MEIKIN: variants seen among roughly 807,000 people sequenced by gnomAD.
MEIKIN encodes the protein meiosis-specific kinetochore protein.
intron 12 of MEIKIN, among the ~76,000 whole-genome samples, chr5:131,816,097 G>C (rs1338415913): frequency 2.6e-5 from 4 of 152,212 alleles, no homozygotes; most frequent in African/African-American, 9.7e-5. Context: ...CTCTTCTGGG[G>C]AAAGGGTTAG....
intron 11 of MEIKIN, among the ~76,000 whole-genome samples, chr5:131,821,394 G>T (rs957933149): frequency 2.0e-5 from 3 of 152,122 alleles, no homozygotes; most frequent in Admixed American, 1.3e-4. Flanking sequence ...AGTGTTTTAA[G>T]ACTCATTTTG....
chr5:131,832,712 A>G (rs945567831), intron 11 of MEIKIN, among the ~76,000 whole-genome samples: 2 of 152,220 alleles, frequency 1.3e-5, no homozygotes, highest in African/African-American at 4.8e-5. Flanking sequence ...CCAAACCTCA[A>G]TTCTTGACTT....
chr5:131,868,715 T>C (rs996861873), intron 9 of MEIKIN, among the ~76,000 whole-genome samples: 5 of 130,294 alleles, frequency 3.8e-5, no homozygotes, highest in Non-Finnish European at 6.5e-5. Context: ...ATTCTGTCTC[T>C]ACAAAAAAAA....
intron 11 of MEIKIN, among the ~76,000 whole-genome samples, chr5:131,832,232 G>C (rs1227384210): frequency 6.6e-6 from 1 of 152,160 alleles, no homozygotes; most frequent in Non-Finnish European, 1.5e-5. Context: ...TTCTAAATGG[G>C]AGAAATTGGC....
At chr5:131,944,821 T>G (rs1580606867) in intron 2 of MEIKIN, 69 bp from the exon 3 acceptor site, 1 of 398,864 alleles carries the variant, frequency 2.5e-6, no homozygotes, top group Non-Finnish European at 4.4e-6. Flanking sequence ...GTTCAGACTC[T>G]TTAGAATCTG....
At chr5:131,910,982 A>T (rs1216758245) in intron 8 of MEIKIN, among the ~76,000 whole-genome samples, 1 of 152,084 alleles carries the variant, frequency 6.6e-6, no homozygotes, top group African/African-American at 2.4e-5. Context: ...CCCTTTAATT[A>T]GTGCTCATCT....
intron 11 of MEIKIN, among the ~76,000 whole-genome samples, chr5:131,821,630 C>CTTTTTT (rs375765946): frequency 4.0e-5 from 2 of 50,452 alleles, no homozygotes; most frequent in Non-Finnish European, 3.6e-5. Context: ...TGAGGTCTGC[C>CTTTTTT]TTTTTTTTTT....
intron 11 of MEIKIN, among the ~76,000 whole-genome samples, chr5:131,834,069 G>C (rs1749758539): frequency 6.6e-6 from 1 of 152,058 alleles, no homozygotes; most frequent in Admixed American, 6.6e-5. Flanking sequence ...AACTGGTAGT[G>C]GATACTAAAA....
At chr5:131,876,368 T>G (rs1311361223) in intron 9 of MEIKIN, among the ~76,000 whole-genome samples, 2 of 151,490 alleles carry the variant, frequency 1.3e-5, no homozygotes, top group Admixed American at 1.3e-4. Context: ...AAGAAGACAT[T>G]TATGCGGCCA....
In MEIKIN at chr5:131,814,303, A is replaced by G. The variant is rs185492387; in HGVS notation, c.1099+4437T>C. Among the ~76,000 whole-genome samples, 391 of 145,304 alleles carry G rather than the reference A, an allele frequency of 2.7e-3. 1 individual carries two copies. The highest frequency in any genetic ancestry group is 3.5e-3 in the Non-Finnish European group (233 of 66,868). ...CTTTTTTTTTTTTTTTTGAGACAGG[A>G]TCTCACTCTATTGCTCAGGCTGCAG... On this transcript the variant is annotated intron_variant, in intron 12 of 12. Coordinates refer to ENST00000442687, the MANE Select transcript of MEIKIN (RefSeq NM_001303622.2).
At chr5:131,887,054 T>A (rs1266417869) in intron 8 of MEIKIN, among the ~76,000 whole-genome samples, 1 of 150,098 alleles carries the variant, frequency 6.7e-6, no homozygotes, top group Non-Finnish European at 1.5e-5. Flanking sequence ...ATTGTTCAAT[T>A]CCCACCTATA....
intron 8 of MEIKIN, among the ~76,000 whole-genome samples, chr5:131,902,017 G>T (rs1751165536): frequency 6.6e-6 from 1 of 152,120 alleles, no homozygotes; most frequent in Non-Finnish European, 1.5e-5. Flanking sequence ...TCATGATAGT[G>T]AGTTCTCATG....
chr5:131,922,667 C>T (rs1204052317), intron 5 of MEIKIN, among the ~76,000 whole-genome samples: 4 of 152,128 alleles, frequency 2.6e-5, no homozygotes, highest in Admixed American at 6.5e-5. Flanking sequence ...TGACTTCCCA[C>T]TATGGAATAA....
At chr5:131,901,323 C>T (rs1025276204) in intron 8 of MEIKIN, among the ~76,000 whole-genome samples, 5 of 152,146 alleles carry the variant, frequency 3.3e-5, no homozygotes, top group African/African-American at 1.2e-4. Context: ...ACAGATGGCA[C>T]ACAGAGTCCC....
chr5:131,874,899 G>T (rs1188459497), intron 9 of MEIKIN, among the ~76,000 whole-genome samples: 1 of 152,146 alleles, frequency 6.6e-6, no homozygotes, highest in Non-Finnish European at 1.5e-5. Context: ...AAAACCACAT[G>T]ATTATCTCAA....
Position 131,890,867 on chromosome 5 carries a change from T to G in MEIKIN, c.704-11819A>C, listed in dbSNP as rs1053316226. ...TTGTGGGCATTTAGTGCTATAAATT[T>G]CCCTCTACACACTGTTTTGTATGTG... On this transcript the variant is annotated intron_variant, in intron 8 of 12. Coordinates refer to ENST00000442687, the MANE Select transcript of MEIKIN (RefSeq NM_001303622.2). 1.3e-5 allele frequency among the ~76,000 whole-genome samples: 2 copies of G among 152,222 alleles called. 1 individual carries two copies. Among genetic ancestry groups the G allele is most frequent in the Admixed American group, 1.3e-4 (2 of 15,280 alleles).
At position 131,871,295 on chromosome 5, in the gene MEIKIN, C is replaced by T. The variant is rs143075402; in HGVS notation, c.774+7683G>A. The stretch of plus-strand genomic sequence containing the variant: ...CGGCACCTGGAAAATTGGGTCACTC[C>T]CACCCTAATACTGCACTTTCCCAAC... On this transcript the variant is annotated intron_variant, in intron 9 of 12. Coordinates refer to ENST00000442687, the MANE Select transcript of MEIKIN (RefSeq NM_001303622.2). Among the ~76,000 whole-genome samples the T allele has an allele frequency of 3.4e-3, 513 of 152,310 alleles. 4 individuals carry two copies. Among genetic ancestry groups the T allele is most frequent in the African/African-American group, 0.012 (488 of 41,564 alleles).
intron 9 of MEIKIN, among the ~76,000 whole-genome samples, chr5:131,874,469 A>C (rs1245715566): frequency 1.3e-5 from 2 of 152,238 alleles, no homozygotes; most frequent in African/African-American, 4.8e-5. Context: ...CTCTGAATAG[A>C]CGAATAACAG....
intron 8 of MEIKIN, among the ~76,000 whole-genome samples, chr5:131,901,209 G>A (rs1751150440): frequency 6.6e-6 from 1 of 152,068 alleles, no homozygotes; most frequent in Admixed American, 6.5e-5. Flanking sequence ...ACCTACCAAT[G>A]CTCTGTCCCT....
Sources: gnomAD v4.1 joint callset for allele counts (sites outside exome capture counted in the v4.1 genomes callset) on GRCh38, gnomAD v4.1.1 for gene constraint, MANE v1.5 for transcripts, NCBI Gene and HGNC (gene_info 2026-07-23, HGNC 2026-07-21) for gene names.